SLC35E1: variants seen among roughly 807,000 people sequenced by gnomAD.
SLC35E1 encodes the protein solute carrier family 35, member E1.
SLC35E1 carries 12 observed loss-of-function variants against 31.0 expected under a neutral mutation model. The observed-to-expected ratio is 0.39, with a 90% confidence interval of 0.25 to 0.63. SLC35E1 has a LOEUF of 0.63. SLC35E1 is among the 20% of genes least tolerant of loss of function. The probability of loss-of-function intolerance (pLI) is 0.52; values close to 1 mark genes in which losing one functional copy is unlikely to be tolerated. For missense variants in SLC35E1, 429 were observed against 572.2 expected, an observed-to-expected ratio of 0.75 and a Z score of 2.55; for synonymous variants, 257 against 264.1, an observed-to-expected ratio of 0.97 and a Z score of 0.26.
intron 4 of SLC35E1, among the ~76,000 whole-genome samples, chr19:16,560,894 A>C (rs200009882): frequency 3.8e-4 from 54 of 143,574 alleles, no homozygotes; most frequent in African/African-American, 1.0e-3. Flanking sequence ...AAAAAAAAAA[A>C]AAAAAAGAGA....
chr19:16,553,579 C>G lies in SLC35E1; in HGVS notation c.*100G>C. The G allele has an allele frequency of 8.7e-7, 1 of 1,155,544 alleles. No individual in the cohort carries two copies. Among genetic ancestry groups the G allele is most frequent in the South Asian group, 2.1e-5 (1 of 48,446 alleles). The allele number at this position is 1,155,544 out of a possible 1,614,324, so 71.6% of individuals were successfully genotyped here. A position where few individuals can be genotyped will look rare whatever the true frequency, so the allele number is the denominator to read the frequency against. ...TCTGATGGAGAGTTATGCACCGTCC[C>G]CTCGGCTGGGTTGTACATTCACTGA... On this transcript the variant is annotated 3_prime_UTR_variant, in exon 6 of 6. Coordinates refer to ENST00000595753, the MANE Select transcript of SLC35E1 (RefSeq NM_024881.5).
At chr19:16,571,095 C>CAAA (rs57729159) in intron 2 of SLC35E1, among the ~76,000 whole-genome samples, 2 of 67,244 alleles carry the variant, frequency 3.0e-5, no homozygotes. Flanking sequence ...AACTCCGTCT[C>CAAA]AAAAAAAAAA....
chr19:16,568,677 T>G (rs946451283), intron 2 of SLC35E1, among the ~76,000 whole-genome samples: 1 of 152,162 alleles, frequency 6.6e-6, no homozygotes, highest in Non-Finnish European at 1.5e-5. Context: ...ATTACAGGGA[T>G]GTGCCACCAC....
chr19:16,558,817 T>C (rs572497549), intron 4 of SLC35E1, among the ~76,000 whole-genome samples: 2 of 149,820 alleles, frequency 1.3e-5, no homozygotes, highest in African/African-American at 4.9e-5. Context: ...TCGCCCAGGC[T>C]GGAGTGCAAC....
At chr19:16,570,137 G>A (rs2085950358) in intron 2 of SLC35E1, among the ~76,000 whole-genome samples, 1 of 152,212 alleles carries the variant, frequency 6.6e-6, no homozygotes, top group African/African-American at 2.4e-5. Context: ...TTTCCTCACT[G>A]TGTGAAGTTC....
At chr19:16,560,734 C>T (rs114584410) in intron 4 of SLC35E1, among the ~76,000 whole-genome samples, 20,436 of 150,094 alleles carry the variant, frequency 0.14, 1,872 homozygotes, top group African/African-American at 0.27. Context: ...TGGTGGTGCG[C>T]GCCTACAATT....
intron 4 of SLC35E1, among the ~76,000 whole-genome samples, chr19:16,557,399 T>C (rs1170827871): frequency 2.0e-5 from 3 of 152,144 alleles, no homozygotes; most frequent in African/African-American, 4.8e-5. Context: ...TTCACCGTGT[T>C]AGCCAGGATG....
In SLC35E1 at chr19:16,555,440, G is replaced by A. The variant is rs370573734; in HGVS notation, c.757-43C>T. The A allele has an allele frequency of 2.1e-5, 33 of 1,600,782 alleles. No homozygotes were observed. The highest frequency in any genetic ancestry group is 1.2e-4 in the South Asian group (11 of 89,974). Reference sequence around the variant, plus strand: ...TAAAGACAGCACTTCAGTGGGCAGCGGTGACCCTGCCTCCCTGTATCCACC... The same window carrying A: ...TAAAGACAGCACTTCAGTGGGCAGCAGTGACCCTGCCTCCCTGTATCCACC... On this transcript the variant is annotated intron_variant, in intron 4 of 5. Coordinates refer to ENST00000595753, the MANE Select transcript of SLC35E1 (RefSeq NM_024881.5). This position sits in a 1 kb window ranked among gnomAD's most constrained non-coding sequence, Gnocchi z 4.1.
At position 16,553,380 on chromosome 19, in the gene SLC35E1, A is replaced by AAAG. The variant is rs1239624836; in HGVS notation, c.*296_*298dup. On this transcript the variant is annotated 3_prime_UTR_variant, in exon 6 of 6. Coordinates refer to ENST00000595753, the MANE Select transcript of SLC35E1 (RefSeq NM_024881.5). ...CTGCTTGGGGAATAATTCCACATGG[A>AAAG]AAGGTACAACGTGGCCAAGATCTCC... The AAAG allele has an allele frequency of 4.3e-6, 1 of 230,856 alleles. No individual in the cohort carries two copies. Among genetic ancestry groups the AAAG allele is most frequent in the East Asian group, 8.4e-5 (1 of 11,946 alleles). The allele number at this position is 230,856 out of a possible 1,614,324, so 14.3% of individuals were successfully genotyped here.
At chr19:16,569,538 T>C (rs1189081518) in intron 2 of SLC35E1, among the ~76,000 whole-genome samples, 1 of 152,182 alleles carries the variant, frequency 6.6e-6, no homozygotes, top group Non-Finnish European at 1.5e-5. Flanking sequence ...CCAGGATCCA[T>C]TCCCGCGTGT....
At chr19:16,560,320 T>C (rs2085898261) in intron 4 of SLC35E1, among the ~76,000 whole-genome samples, 1 of 152,122 alleles carries the variant, frequency 6.6e-6, no homozygotes, top group South Asian at 2.1e-4. Context: ...TGAGGTTTAA[T>C]CACCGTACTC....
rs1484397327 is a variant in SLC35E1, at chr19:16,553,308, G to C, written c.*371C>G. On this transcript the variant is annotated 3_prime_UTR_variant, in exon 6 of 6. Transcript: ENST00000595753. ...CACAGTGACCCCAGCTTTTCACACA[G>C]GTCCTGAATGTTATCTGGAATGCAG... 6.3e-6 allele frequency: 1 copy of C among 158,868 alleles called. No homozygotes were observed. The highest frequency in any genetic ancestry group is 2.4e-5 in the African/African-American group (1 of 41,698). The allele number at this position is 158,868 out of a possible 1,614,324, so 9.8% of individuals were successfully genotyped here. A position where few individuals can be genotyped will look rare whatever the true frequency, so the allele number is the denominator to read the frequency against.
At chr19:16,565,215 CTTTT>C (rs1000361243) in intron 4 of SLC35E1, 4 of 358,258 alleles carry the variant, frequency 1.1e-5, no homozygotes, top group Non-Finnish European at 1.7e-5. Context: ...TTCTTTCTTT[CTTTT>C]TTTTTTTTGA....
chr19:16,566,550 G>T lies in SLC35E1; in HGVS notation c.738C>A (p.Phe246Leu). 1 of 1,612,742 alleles carries T rather than the reference G, an allele frequency of 6.2e-7. No individual in the cohort carries two copies. The highest frequency in any genetic ancestry group is 1.7e-5 in the Admixed American group (1 of 60,020). ...AACTCACCAAGTCGCTGCTGACCAG[G>T]AAAGCCGAGAGGTCCACCAGAACCC... ...PTWVLVDLSA[F>L]LVSSDLTYVY... The change falls in exon 4 of 6, where the codon TTC becomes TTA. Residue 246 changes from phenylalanine (F) to leucine (L), a missense_variant. Coordinates refer to ENST00000595753, the MANE Select transcript of SLC35E1 (RefSeq NM_024881.5).
chr19:16,572,200 G>A lies in SLC35E1; in HGVS notation c.165C>T (p.Phe55=). The A allele has an allele frequency of 6.5e-7, 1 of 1,531,976 alleles. No homozygotes were observed. The highest frequency in any genetic ancestry group is 8.8e-7 in the Non-Finnish European group (1 of 1,138,620). 94.9% of individuals were successfully genotyped at this position (1,531,976 alleles called of 1,614,324 possible). A position where few individuals can be genotyped will look rare whatever the true frequency, so the allele number is the denominator to read the frequency against. Residue 55 remains phenylalanine, a synonymous_variant, in exon 1 of 6, where the codon TTC becomes TTT. Transcript: ENST00000595753. This position sits in a 1 kb window ranked among gnomAD's most constrained non-coding sequence, Gnocchi z 4.1. The part of the protein sequence containing the change: ...NVVNKVILSA[F]PFPVTVSLCH... ...ACAGCGACACGGTCACCGGGAACGGGAAGGCGCTCAGGATCACCTTGTTGA... is the reference window on the plus strand; with the variant it reads ...ACAGCGACACGGTCACCGGGAACGGAAAGGCGCTCAGGATCACCTTGTTGA...
At chr19:16,562,692 A>T (rs1161256156) in intron 4 of SLC35E1, among the ~76,000 whole-genome samples, 1 of 152,178 alleles carries the variant, frequency 6.6e-6, no homozygotes, top group Non-Finnish European at 1.5e-5. Context: ...ACCCACAGAT[A>T]TGGAAGGATG....
intron 4 of SLC35E1, among the ~76,000 whole-genome samples, chr19:16,563,558 G>C (rs2085917765): frequency 6.6e-6 from 1 of 152,070 alleles, no homozygotes; most frequent in South Asian, 2.1e-4. Flanking sequence ...TTGTCACCCA[G>C]GTTGGAGTGC....
At chr19:16,560,881 C>CAAAAAAAAAAAAAAA (rs1304202019) in intron 4 of SLC35E1, among the ~76,000 whole-genome samples, 2 of 68,060 alleles carry the variant, frequency 2.9e-5, no homozygotes, top group East Asian at 3.9e-4. Context: ...AAAAAAAAAC[C>CAAAAAAAAAAAAAAA]AAAAAAAAAA....
chr19:16,568,232 G>C, intron 2 of SLC35E1, 63 bp from the exon 3 acceptor site: 1 of 1,514,364 alleles, frequency 6.6e-7, no homozygotes, highest in Non-Finnish European at 8.8e-7. Context: ...ACATGCCACA[G>C]ATGCCCAGGG....
Sources: allele counts gnomAD v4.1 joint callset (sites outside exome capture counted in the v4.1 genomes callset), GRCh38; gene constraint gnomAD v4.1.1; non-coding constraint Gnocchi (gnomAD v3.1); transcripts MANE v1.5; gene names NCBI Gene and HGNC (gene_info 2026-07-23, HGNC 2026-07-21).